MATN2: variants seen among roughly 807,000 people sequenced by gnomAD.
MATN2 encodes matrilin 2, also known as matrilin-2.
In MATN2, 69 loss-of-function variants were observed where a neutral mutation model predicts 103.2. The ratio of observed to expected loss-of-function variants is 0.67; its 90% CI spans 0.55 to 0.82. The LOEUF (loss-of-function observed/expected upper bound fraction) is 0.82, where lower values mean the gene tolerates loss of function less well. Among genes scored for constraint, MATN2 ranks in the 40% least tolerant of loss-of-function variants. MATN2 has a pLI of 0.00. For synonymous variants in MATN2, 429 were observed against 450.2 expected, an observed-to-expected ratio of 0.95 and a Z score of 0.60; for missense variants, 1,023 against 1,211.5, an observed-to-expected ratio of 0.84 and a Z score of 2.31.
intron 7 of MATN2, among the ~76,000 whole-genome samples, chr8:98,000,188 T>G (rs370390271): frequency 6.6e-6 from 1 of 152,056 alleles, no homozygotes; most frequent in East Asian, 1.9e-4. Flanking sequence ...CCAGATCCTT[T>G]AAGAGACCCT....
chr8:98,013,891 T>C (rs759946455), intron 10 of MATN2, among the ~76,000 whole-genome samples: 2 of 152,076 alleles, frequency 1.3e-5, no homozygotes, highest in Non-Finnish European at 2.9e-5. Flanking sequence ...GGAGGATCAC[T>C]TGAGGCCAGA....
At chr8:97,930,466 T>G (rs1480935558) in intron 2 of MATN2, 3 of 153,874 alleles carry the variant, frequency 1.9e-5, no homozygotes, top group Non-Finnish European at 4.3e-5. Flanking sequence ...TTATAGCCAG[T>G]AGTCATGATC....
intron 1 of MATN2, among the ~76,000 whole-genome samples, chr8:97,880,451 C>G (rs1459429164): frequency 6.6e-6 from 1 of 152,134 alleles, no homozygotes. Context: ...TTGTGAAGAC[C>G]CTGTTTCTCT....
intron 7 of MATN2, 27 bp from the exon 8 acceptor site, chr8:98,003,634 A>G: frequency 6.2e-7 from 1 of 1,613,014 alleles, no homozygotes; most frequent in African/African-American, 1.3e-5. Context: ...CAGAGTCTGA[A>G]GGAAGGTCTG....
intron 2 of MATN2, among the ~76,000 whole-genome samples, chr8:97,921,572 A>AC (rs1313516433): frequency 6.6e-6 from 1 of 152,174 alleles, no homozygotes; most frequent in Non-Finnish European, 1.5e-5. Context: ...CTGTGGTAAA[A>AC]AAAAAACAAA....
chr8:97,882,603 A>G (rs918280880), intron 1 of MATN2, among the ~76,000 whole-genome samples: 1 of 152,056 alleles, frequency 6.6e-6, no homozygotes, highest in East Asian at 1.9e-4. Context: ...GGATTTCGCC[A>G]TGTTGCCCAG....
chr8:97,912,020 G>A (rs1809461903), intron 2 of MATN2, among the ~76,000 whole-genome samples: 1 of 152,208 alleles, frequency 6.6e-6, no homozygotes. Context: ...AGGAGAGAGG[G>A]ATAAAGCCAC....
intron 10 of MATN2, among the ~76,000 whole-genome samples, chr8:98,016,026 CTCTCATTCTGTAACTTGTAT>C (rs1236443533): frequency 6.6e-6 from 1 of 152,108 alleles, no homozygotes; most frequent in Non-Finnish European, 1.5e-5. Context: ...AGTAATTTAT[CTCTCATTCTGTAACTTGTAT>C]TCTCATGTTT....
chr8:98,022,181 C>G (rs1813615164), intron 13 of MATN2, among the ~76,000 whole-genome samples: 1 of 152,168 alleles, frequency 6.6e-6, no homozygotes, highest in Non-Finnish European at 1.5e-5. Context: ...AAACAACAAG[C>G]AGCTCTGGAT....
chr8:98,003,765 A>G lies in MATN2; in HGVS notation c.1309A>G (p.Asn437Asp), dbSNP rs776778979. Residue 437 changes from asparagine (N) to aspartate (D), a missense_variant, in exon 8 of 19, where the codon AAT (asparagine) becomes GAT (aspartate). By Grantham distance (23) the Asn-to-Asp change is conservative. Coordinates refer to ENST00000254898, the MANE Select transcript of MATN2 (RefSeq NM_002380.5). ...RCHRGYTLDP[N>D]GKTCSRVDHC... ...CCACCGTGGCTACACTCTGGACCCC[A>G]ATGGCAAAACCTGCAGCCGTGAGTG... The G allele has an allele frequency of 1.2e-6, 2 of 1,613,858 alleles. No individual in the cohort carries two copies. The highest frequency in any genetic ancestry group is 2.2e-5 in the South Asian group (2 of 91,084).
chr8:97,917,413 T>G (rs1057185004), intron 2 of MATN2, among the ~76,000 whole-genome samples: 1 of 152,368 alleles, frequency 6.6e-6, no homozygotes, highest in African/African-American at 2.4e-5. Flanking sequence ...CTTGTCAGAA[T>G]GAAGGTTGAC....
chr8:97,931,665 C>T lies in MATN2; in HGVS notation c.712+143C>T. ...CAAAGGCCAAGATAAACACAACGTG[C>T]TCCAGGGGCTTACACTTTGGCCAAG... On this transcript the variant is annotated intron_variant, in intron 3 of 18. Transcript: ENST00000254898. This position sits in a 1 kb window ranked among gnomAD's most constrained non-coding sequence, Gnocchi z 4.1. 1 of 747,302 alleles carries T rather than the reference C, an allele frequency of 1.3e-6. No homozygotes were observed. The highest frequency in any genetic ancestry group is 2.1e-6 in the Non-Finnish European group (1 of 472,556). 46.3% of individuals were successfully genotyped at this position (747,302 alleles called of 1,614,324 possible).
chr8:97,991,969 A>C (rs977189366), intron 6 of MATN2, among the ~76,000 whole-genome samples: 5 of 152,232 alleles, frequency 3.3e-5, no homozygotes, highest in South Asian at 2.1e-4. Flanking sequence ...AACGAGATAC[A>C]ATCTCTGACC....
rs1311310495 is a variant in MATN2 at position 97,936,995 on chromosome 8, C to T, written c.713-4782C>T. 3.9e-5 allele frequency among the ~76,000 whole-genome samples: 6 copies of T among 152,122 alleles called. No individual in the cohort carries two copies. The East Asian group carries it at 1.2e-3, about 29-fold the overall frequency. On this transcript the variant is annotated intron_variant, in intron 3 of 18. Coordinates refer to ENST00000254898, the MANE Select transcript of MATN2 (RefSeq NM_002380.5). ...ATATTATCCATGGAAATAAGGATGG[C>T]AGTTGTGAGAGTCCTGCTTTCACTG... is the stretch of plus-strand genomic sequence containing the variant.
chr8:97,982,135 G>A lies in MATN2; in HGVS notation c.1081+3127G>A, dbSNP rs1812048629. On this transcript the variant is annotated intron_variant, in intron 6 of 18. Transcript: ENST00000254898. The surrounding 1 kb of genome is among the most constrained non-coding windows in gnomAD (Gnocchi z 4.3). Reference sequence around the variant, plus strand: ...GCCCTCTTCCCACCATGCTTGGGGTGGGCAGGAGCCAGACCCAGGAGGAGG... The same window carrying A: ...GCCCTCTTCCCACCATGCTTGGGGTAGGCAGGAGCCAGACCCAGGAGGAGG... Among the ~76,000 whole-genome samples the A allele has an allele frequency of 6.6e-6, 1 of 152,194 alleles. No homozygotes were observed. The highest frequency in any genetic ancestry group is 1.5e-5 in the Non-Finnish European group (1 of 68,038).
intron 8 of MATN2, 97 bp downstream of exon 8, chr8:98,003,880 G>A (rs1232906601): frequency 1.3e-5 from 19 of 1,425,346 alleles, no homozygotes; most frequent in Middle Eastern, 4.4e-4. Flanking sequence ...GGAGCCCACC[G>A]GGTTTCCTGA....
chr8:98,033,116 T>C lies in MATN2; in HGVS notation c.2656T>C (p.Phe886Leu), dbSNP rs149724220. The stretch of plus-strand genomic sequence containing the variant: ...TTTTGCAGTGCAACACAGATATCTG[T>C]TTGAAGAAGACAATCTTTTACGGTC... ...SNFAVQHRYL[F>L]EEDNLLRSTQ... The change falls in exon 17 of 19, where the codon TTT (phenylalanine) becomes CTT (leucine). Residue 886 changes from phenylalanine to leucine, a missense_variant. By Grantham distance (22) the Phe-to-Leu change is conservative. Coordinates refer to ENST00000254898, the MANE Select transcript of MATN2 (RefSeq NM_002380.5). The C allele has an allele frequency of 1.4e-3, 2,197 of 1,611,552 alleles. 21 individuals carry two copies. In the African/African-American group the frequency reaches 0.026, roughly 19 times the overall value.
At chr8:97,999,772 C>T (rs1251331125) in intron 7 of MATN2, among the ~76,000 whole-genome samples, 4 of 152,146 alleles carry the variant, frequency 2.6e-5, no homozygotes, top group Non-Finnish European at 5.9e-5. Context: ...ACCTTCTCTC[C>T]ATGCACTCTG....
Position 98,033,667 on chromosome 8 carries a change from T to G in MATN2, c.2815+8T>G, listed in dbSNP as rs1814127623. 1 of 1,539,254 alleles carries G rather than the reference T, an allele frequency of 6.5e-7. No individual in the cohort carries two copies. The highest frequency in any genetic ancestry group is 1.4e-5 in the African/African-American group (1 of 73,624). ...GAAAATTAACACAGCGCTATATCCT[T>G]TTCTTGCATTATGCTTCTGTATGGA... is the stretch of plus-strand genomic sequence containing the variant. On this transcript the variant is annotated splice_region_variant and intron_variant, in intron 18 of 18. Transcript: ENST00000254898.
Sources: allele counts gnomAD v4.1 joint callset (sites outside exome capture counted in the v4.1 genomes callset), GRCh38; gene constraint gnomAD v4.1.1; non-coding constraint Gnocchi (gnomAD v3.1); transcripts MANE v1.5; gene names NCBI Gene and HGNC (gene_info 2026-07-23, HGNC 2026-07-21).